SNTG2: variants seen among roughly 807,000 people sequenced by gnomAD.
The protein encoded by SNTG2 is syntrophin gamma 2.
Under a neutral mutation model 70.9 loss-of-function variants are expected in SNTG2, and 74 were observed. That is an observed-to-expected ratio of 1.04 (90% CI 0.86 to 1.27). The LOEUF is 1.27. SNTG2 is among the 50% of genes most tolerant of loss of function. The pLI is 0.00. For missense variants in SNTG2, 717 were observed against 690.7 expected (o/e 1.04, Z -0.43); for synonymous variants, 278 against 273.8 (o/e 1.02, Z -0.15).
chr2:1,091,941 A>G (rs1366810910), intron 2 of SNTG2, among the ~76,000 whole-genome samples: 2 of 152,170 alleles, frequency 1.3e-5, no homozygotes, highest in African/African-American at 4.8e-5. Context: ...TATTTAGGAA[A>G]TTTTATTTGA....
At chr2:1,268,042 T>C (rs983545792) in intron 14 of SNTG2, among the ~76,000 whole-genome samples, 1 of 152,256 alleles carries the variant, frequency 6.6e-6, no homozygotes. Flanking sequence ...AGCTTGTGTG[T>C]CTGAATTGCT....
chr2:1,205,068 T>A (rs141707995), intron 8 of SNTG2, among the ~76,000 whole-genome samples: 1 of 152,196 alleles, frequency 6.6e-6, no homozygotes. Context: ...AGGTTTTTTT[T>A]AACCTTTTTA....
At chr2:1,332,226 C>T (rs185058585) in intron 16 of SNTG2, among the ~76,000 whole-genome samples, 1 of 152,154 alleles carries the variant, frequency 6.6e-6, no homozygotes, top group Non-Finnish European at 1.5e-5. Flanking sequence ...GATGAATTGG[C>T]CATTCAGAAA....
chr2:1,290,744 CA>C (rs1321821863), intron 14 of SNTG2, among the ~76,000 whole-genome samples: 1 of 152,204 alleles, frequency 6.6e-6, no homozygotes, highest in Non-Finnish European at 1.5e-5. Flanking sequence ...TTAACTCCAA[CA>C]GTGGGAAATG....
At chr2:1,215,783 CTA>C (rs1674349803) in intron 9 of SNTG2, among the ~76,000 whole-genome samples, 1 of 150,474 alleles carries the variant, frequency 6.6e-6, no homozygotes, top group Non-Finnish European at 1.5e-5. Flanking sequence ...CAATTCCCAC[CTA>C]TGAGTGAGAA....
chr2:1,301,381 T>A (rs544472882), intron 14 of SNTG2, among the ~76,000 whole-genome samples: 11 of 152,158 alleles, frequency 7.2e-5, no homozygotes, highest in Admixed American at 2.0e-4. Flanking sequence ...AACACCTGTA[T>A]CACTGGAGTC....
At chr2:1,298,278 G>T (rs1007338649) in intron 14 of SNTG2, among the ~76,000 whole-genome samples, 3 of 151,844 alleles carry the variant, frequency 2.0e-5, no homozygotes, top group Non-Finnish European at 4.4e-5. Flanking sequence ...AATTACAGAT[G>T]CCCACCACCA....
chr2:1,075,745 A>G (rs1663875597), intron 1 of SNTG2, among the ~76,000 whole-genome samples: 1 of 152,222 alleles, frequency 6.6e-6, no homozygotes, highest in African/African-American at 2.4e-5. Context: ...TGCTGGATTA[A>G]GAGAGTTTAT....
intron 15 of SNTG2, among the ~76,000 whole-genome samples, chr2:1,313,275 A>G (rs1681097861): frequency 1.3e-5 from 2 of 152,228 alleles, no homozygotes; most frequent in Non-Finnish European, 2.9e-5. Context: ...AATTACTAAA[A>G]CTATGGAAAA....
rs1260173990 is a variant in SNTG2 at position 1,014,428 on chromosome 2, G to A, written c.72+63360G>A. Among the ~76,000 whole-genome samples, 10 of 93,464 alleles carry A rather than the reference G, an allele frequency of 1.1e-4. No homozygotes were observed. In the South Asian group the frequency reaches 1.7e-3, roughly 16 times the overall value. 61.3% of individuals were successfully genotyped at this position (93,464 alleles called of 152,430 possible). On this transcript the variant is annotated intron_variant, in intron 1 of 16. Coordinates refer to ENST00000308624, the MANE Select transcript of SNTG2 (RefSeq NM_018968.4). ...GGTAGAGAGAAGGGTGCTCTGGAGA[G>A]GGATTTATATGGGCAGAGAGAAGGG...
intron 14 of SNTG2, among the ~76,000 whole-genome samples, chr2:1,301,314 G>A (rs936298677): frequency 9.9e-5 from 15 of 152,258 alleles, no homozygotes; most frequent in South Asian, 8.3e-4. Context: ...CTCAGCTGCC[G>A]TCTGCACCCA....
At chr2:1,001,231 C>T (rs1324262050) in intron 1 of SNTG2, among the ~76,000 whole-genome samples, 1 of 152,000 alleles carries the variant, frequency 6.6e-6, no homozygotes, top group Admixed American at 6.6e-5. Context: ...TCACTCTCAC[C>T]TCTCCTATTC....
At chr2:1,236,351 A>G (rs1187857854) in intron 9 of SNTG2, among the ~76,000 whole-genome samples, 1 of 152,260 alleles carries the variant, frequency 6.6e-6, no homozygotes, top group African/African-American at 2.4e-5. Context: ...CCCCACGGGA[A>G]GCGATGGATC....
At chr2:981,692 CATAT>C (rs2147967371) in intron 1 of SNTG2, among the ~76,000 whole-genome samples, 1 of 152,296 alleles carries the variant, frequency 6.6e-6, no homozygotes, top group Non-Finnish European at 1.5e-5. Context: ...TGAGTGCACA[CATAT>C]ACACATGCAC....
intron 16 of SNTG2, among the ~76,000 whole-genome samples, chr2:1,359,690 A>G (rs1661037722): frequency 6.6e-6 from 1 of 152,206 alleles, no homozygotes; most frequent in South Asian, 2.1e-4. Context: ...ATCAGCACAT[A>G]TGATGGCTTT....
intron 14 of SNTG2, among the ~76,000 whole-genome samples, chr2:1,296,918 C>T (rs1319117666): frequency 6.6e-6 from 1 of 152,148 alleles, no homozygotes; most frequent in Non-Finnish European, 1.5e-5. Context: ...GCTTCAATTC[C>T]AGATACAGGA....
At chr2:1,114,950 C>T (rs1558416688) in intron 4 of SNTG2, among the ~76,000 whole-genome samples, 2 of 151,742 alleles carry the variant, frequency 1.3e-5, no homozygotes, top group Admixed American at 1.3e-4. Context: ...TTAACCCTTA[C>T]AGTCCTTTGA....
intron 14 of SNTG2, among the ~76,000 whole-genome samples, chr2:1,303,459 A>T (rs1160521107): frequency 3.3e-5 from 5 of 152,234 alleles, no homozygotes; most frequent in African/African-American, 1.2e-4. Flanking sequence ...CCTGTAATAT[A>T]TCAAAGTTTG....
intron 16 of SNTG2, among the ~76,000 whole-genome samples, chr2:1,366,193 T>G (rs144675977): frequency 6.6e-6 from 1 of 152,336 alleles, no homozygotes; most frequent in East Asian, 1.9e-4. Context: ...TTTATTTTCT[T>G]CATTTTATTG....
Sources: allele counts gnomAD v4.1 joint callset (sites outside exome capture counted in the v4.1 genomes callset), GRCh38; gene constraint gnomAD v4.1.1; transcripts MANE v1.5; gene names NCBI Gene and HGNC (gene_info 2026-07-23, HGNC 2026-07-21).